VAV3: variants seen among roughly 807,000 people sequenced by gnomAD.
VAV3 encodes guanine nucleotide exchange factor VAV3.
VAV3 carries 94 observed loss-of-function variants against 131.2 expected under a neutral mutation model. That is an observed-to-expected ratio of 0.72 (90% CI 0.61 to 0.85). The LOEUF is 0.85. Ranked by LOEUF, VAV3 falls within the 40% of genes least tolerant of loss-of-function variation. The probability of loss-of-function intolerance (pLI) is 0.00; values close to 1 mark genes in which losing one functional copy is unlikely to be tolerated. For synonymous variants in VAV3, 349 were observed against 342.0 expected (o/e 1.02, Z -0.22); for missense variants, 939 against 1,002.7 (o/e 0.94, Z 0.86).
chr1:107,724,302 T>C (rs934229795), intron 15 of VAV3, among the ~76,000 whole-genome samples: 7 of 151,906 alleles, frequency 4.6e-5, no homozygotes, highest in Non-Finnish European at 8.8e-5. Flanking sequence ...GTCCCCACTT[T>C]TTCTTTGAGA....
intron 1 of VAV3, among the ~76,000 whole-genome samples, chr1:107,919,294 T>G (rs1369910878): frequency 1.3e-5 from 2 of 152,248 alleles, no homozygotes; most frequent in African/African-American, 4.8e-5. Context: ...TTTAAGCATG[T>G]GATTACATTT....
At chr1:107,708,701 C>T (rs12403629) in intron 15 of VAV3, among the ~76,000 whole-genome samples, 30,574 of 151,994 alleles carry the variant, frequency 0.2, 3,556 homozygotes, top group East Asian at 0.43. Context: ...CAAAACTCAA[C>T]TTCCATGTGT....
intron 25 of VAV3, among the ~76,000 whole-genome samples, chr1:107,590,570 C>A (rs1482673790): frequency 1.3e-5 from 2 of 152,172 alleles, no homozygotes; most frequent in Admixed American, 1.3e-4. Context: ...CCAGCTGCAT[C>A]CTGAACCATT....
chr1:107,740,536 G>C (rs1662956841), intron 15 of VAV3, among the ~76,000 whole-genome samples: 1 of 151,452 alleles, frequency 6.6e-6, no homozygotes, highest in African/African-American at 2.4e-5. Flanking sequence ...GTTTTTTTTG[G>C]TGGAGTTAAA....
chr1:107,649,988 G>A (rs1656033527), intron 19 of VAV3, among the ~76,000 whole-genome samples: 1 of 152,078 alleles, frequency 6.6e-6, no homozygotes, highest in Admixed American at 6.6e-5. Flanking sequence ...ACAGGGGTGT[G>A]TGTGGAGTGG....
intron 20 of VAV3, among the ~76,000 whole-genome samples, chr1:107,621,786 T>G (rs1653627460): frequency 6.6e-6 from 1 of 152,168 alleles, no homozygotes; most frequent in Non-Finnish European, 1.5e-5. Context: ...CTGAACATCT[T>G]CAAGGTCAAC....
chr1:107,671,388 T>C (rs1657781945), intron 19 of VAV3, among the ~76,000 whole-genome samples: 1 of 152,192 alleles, frequency 6.6e-6, no homozygotes, highest in South Asian at 2.1e-4. Flanking sequence ...TCCAAGAAAG[T>C]CTATTTATTA....
chr1:107,886,951 C>T (rs1055476959), intron 1 of VAV3, among the ~76,000 whole-genome samples: 2 of 151,852 alleles, frequency 1.3e-5, no homozygotes, highest in South Asian at 4.1e-4. Context: ...ATTACATTAA[C>T]AAATGTTCTA....
At chr1:107,773,685 A>G (rs895854791) in intron 4 of VAV3, among the ~76,000 whole-genome samples, 4 of 152,262 alleles carry the variant, frequency 2.6e-5, no homozygotes, top group Admixed American at 2.6e-4. Flanking sequence ...CACCAGGGAG[A>G]TGGTGATCCA....
At chr1:107,740,421 C>G (rs1412743022) in intron 15 of VAV3, among the ~76,000 whole-genome samples, 1 of 152,032 alleles carries the variant, frequency 6.6e-6, no homozygotes, top group East Asian at 1.9e-4. Context: ...CTTAATGAAA[C>G]TAGAAATTGA....
chr1:107,829,711 G>T (rs1668164374), intron 2 of VAV3, among the ~76,000 whole-genome samples: 1 of 151,772 alleles, frequency 6.6e-6, no homozygotes, highest in Admixed American at 6.6e-5. Flanking sequence ...GCATATATGA[G>T]AACTAAAAAA....
At chr1:107,844,296 A>G (rs753554152) in intron 2 of VAV3, among the ~76,000 whole-genome samples, 9 of 152,036 alleles carry the variant, frequency 5.9e-5, no homozygotes, top group East Asian at 1.9e-4. Context: ...CCCAGATACT[A>G]TGTTTTTCCC....
chr1:107,844,617 T>A (rs1464747223), intron 2 of VAV3, among the ~76,000 whole-genome samples: 1 of 152,144 alleles, frequency 6.6e-6, no homozygotes, highest in African/African-American at 2.4e-5. Flanking sequence ...CGACCTGGGA[T>A]GCTCCAGCTT....
intron 19 of VAV3, among the ~76,000 whole-genome samples, chr1:107,670,558 T>A (rs902985512): frequency 6.6e-6 from 1 of 152,166 alleles, no homozygotes; most frequent in Non-Finnish European, 1.5e-5. Context: ...TGTGCTTCGA[T>A]GGTGATTAAT....
At chr1:107,786,548 T>C (rs954672333) in intron 2 of VAV3, among the ~76,000 whole-genome samples, 2 of 152,244 alleles carry the variant, frequency 1.3e-5, no homozygotes, top group East Asian at 1.9e-4. Flanking sequence ...TATATGCACA[T>C]AGAAGAATGT....
At chr1:107,799,417 C>A (rs1158214845) in intron 2 of VAV3, among the ~76,000 whole-genome samples, 1 of 151,478 alleles carries the variant, frequency 6.6e-6, no homozygotes, top group East Asian at 1.9e-4. Context: ...TTTTCATATC[C>A]ATATTTGTAA....
intron 1 of VAV3, among the ~76,000 whole-genome samples, chr1:107,893,842 T>C (rs544302278): frequency 1.9e-4 from 29 of 152,308 alleles, no homozygotes; most frequent in Non-Finnish European, 4.0e-4. Context: ...CTTCACCATA[T>C]CTAACTTTTT....
chr1:107,658,024 G>A (rs1656707560), intron 19 of VAV3, among the ~76,000 whole-genome samples: 1 of 152,096 alleles, frequency 6.6e-6, no homozygotes, highest in Non-Finnish European at 1.5e-5. Flanking sequence ...TTCAATAAAT[G>A]CCATTTTGCC....
chr1:107,575,332 G>A (rs1228527403), intron 25 of VAV3, among the ~76,000 whole-genome samples: 1 of 152,164 alleles, frequency 6.6e-6, no homozygotes, highest in East Asian at 1.9e-4. Context: ...ATTTTTAACA[G>A]TTCCCAGGGC....
Sources: allele counts gnomAD v4.1 joint callset (sites outside exome capture counted in the v4.1 genomes callset), GRCh38; gene constraint gnomAD v4.1.1; transcripts MANE v1.5; gene names NCBI Gene and HGNC (gene_info 2026-07-23, HGNC 2026-07-21).